ERC2: variants seen among roughly 807,000 people sequenced by gnomAD.
The protein encoded by ERC2 is ELKS/RAB6-interacting/CAST family member 2.
Under a neutral mutation model 114.8 loss-of-function variants are expected in ERC2, and 42 were observed. The ratio of observed to expected loss-of-function variants is 0.37; its 90% CI spans 0.29 to 0.47. The LOEUF (loss-of-function observed/expected upper bound fraction) is 0.47. Ranked by LOEUF, ERC2 falls within the 20% of genes least tolerant of loss-of-function variation. ERC2 has a pLI of 0.99. For missense variants in ERC2, 939 were observed against 1,150.7 expected, an observed-to-expected ratio of 0.82 and a Z score of 2.66; for synonymous variants, 454 against 425.5, an observed-to-expected ratio of 1.07 and a Z score of -0.82.
At chr3:56,403,414 C>A (rs1344182811) in intron 2 of ERC2, among the ~76,000 whole-genome samples, 1 of 152,164 alleles carries the variant, frequency 6.6e-6, no homozygotes, top group Non-Finnish European at 1.5e-5. Flanking sequence ...ACACTAGACA[C>A]CTTTCCAGTG....
At chr3:56,001,829 G>C (rs181764686) in intron 10 of ERC2, among the ~76,000 whole-genome samples, 129 of 152,190 alleles carry the variant, frequency 8.5e-4, no homozygotes, top group African/African-American at 3.0e-3. Context: ...TAACTAGTAA[G>C]TATGAAACAA....
chr3:56,126,454 A>T (rs1451875475), intron 6 of ERC2, among the ~76,000 whole-genome samples: 1 of 152,228 alleles, frequency 6.6e-6, no homozygotes, highest in African/African-American at 2.4e-5. Flanking sequence ...AATGGACTCC[A>T]ACTAGTTTGA....
chr3:55,832,832 C>A (rs1311481952), intron 14 of ERC2, among the ~76,000 whole-genome samples: 2 of 152,082 alleles, frequency 1.3e-5, no homozygotes, highest in East Asian at 3.9e-4. Context: ...GAAATTCAAA[C>A]CAAAGGCAAA....
chr3:55,536,478 C>G (rs1203868717), intron 17 of ERC2, among the ~76,000 whole-genome samples: 1 of 152,174 alleles, frequency 6.6e-6, no homozygotes, highest in African/African-American at 2.4e-5. Context: ...GTGCCTGATA[C>G]AGAGTATGTG....
At chr3:55,592,237 C>T (rs1016630896) in intron 17 of ERC2, among the ~76,000 whole-genome samples, 5 of 152,212 alleles carry the variant, frequency 3.3e-5, no homozygotes, top group Admixed American at 2.0e-4. Context: ...GGGCATATCC[C>T]CGTATCTGGG....
At chr3:56,389,970 G>A (rs1231568359) in intron 2 of ERC2, among the ~76,000 whole-genome samples, 2 of 152,096 alleles carry the variant, frequency 1.3e-5, no homozygotes, top group Non-Finnish European at 2.9e-5. Context: ...CTGTGAAAGG[G>A]AGCCTTAAAT....
chr3:55,761,745 G>A (rs535304969), intron 14 of ERC2, among the ~76,000 whole-genome samples: 1 of 151,916 alleles, frequency 6.6e-6, no homozygotes, highest in Non-Finnish European at 1.5e-5. Context: ...GTTTTGTGGC[G>A]GGCGCCTGTA....
At chr3:56,196,781 T>C (rs1407107996) in intron 3 of ERC2, among the ~76,000 whole-genome samples, 1 of 152,136 alleles carries the variant, frequency 6.6e-6, no homozygotes, top group African/African-American at 2.4e-5. Context: ...TTCAAGATAG[T>C]AAATCATGAG....
intron 17 of ERC2, among the ~76,000 whole-genome samples, chr3:55,640,464 G>C (rs1321916421): frequency 6.6e-6 from 1 of 152,172 alleles, no homozygotes; most frequent in African/African-American, 2.4e-5. Context: ...TAGGACTCCT[G>C]CTTCAGGCAA....
Position 56,256,832 on chromosome 3 carries a change from T to G in ERC2, c.1074+39187A>C, listed in dbSNP as rs573132455. Reference sequence around the variant, plus strand: ...CTTTTCTCTCTCTCCTGCCGCCTTGTGAATAAGGTGCCTGCTTCCCCTTCT... The same window carrying G: ...CTTTTCTCTCTCTCCTGCCGCCTTGGGAATAAGGTGCCTGCTTCCCCTTCT... On this transcript the variant is annotated intron_variant, in intron 3 of 17. Coordinates refer to ENST00000288221, the MANE Select transcript of ERC2 (RefSeq NM_015576.3). Among the ~76,000 whole-genome samples the G allele has an allele frequency of 2.6e-5, 4 of 152,316 alleles. No homozygotes were observed. The South Asian group carries it at 8.3e-4, about 32-fold the overall frequency.
intron 14 of ERC2, among the ~76,000 whole-genome samples, chr3:55,821,357 G>A (rs2060115603): frequency 6.6e-6 from 1 of 152,152 alleles, no homozygotes; most frequent in African/African-American, 2.4e-5. Flanking sequence ...TTGAGTTCTG[G>A]GAAACCCATC....
chr3:55,902,860 A>G (rs2064213830), intron 13 of ERC2, among the ~76,000 whole-genome samples: 1 of 152,196 alleles, frequency 6.6e-6, no homozygotes, highest in South Asian at 2.1e-4. Flanking sequence ...ATCCCAAGGG[A>G]GCCTGGCGGA....
intron 12 of ERC2, among the ~76,000 whole-genome samples, chr3:55,978,890 T>C (rs912478575): frequency 1.3e-5 from 2 of 152,198 alleles, no homozygotes. Flanking sequence ...ACAACACAAG[T>C]GAAATCCTAG....
At chr3:56,402,989 C>G (rs2060577629) in intron 2 of ERC2, among the ~76,000 whole-genome samples, 1 of 152,104 alleles carries the variant, frequency 6.6e-6, no homozygotes, top group African/African-American at 2.4e-5. Context: ...CAGTGGCGCT[C>G]CTCCCAACTG....
In ERC2 at chr3:55,605,832, T is replaced by C. The variant is rs1056453933; in HGVS notation, c.*39+77962A>G. ...TCTGTTTGGTTCAAAGTGTACAACATTGATGAACATATCTACTGTAAAAGC... is the reference window on the plus strand; with the variant it reads ...TCTGTTTGGTTCAAAGTGTACAACACTGATGAACATATCTACTGTAAAAGC... On this transcript the variant is annotated intron_variant, in intron 17 of 17. Coordinates refer to ENST00000288221, the MANE Select transcript of ERC2 (RefSeq NM_015576.3). Among the ~76,000 whole-genome samples the C allele has an allele frequency of 8.5e-5, 13 of 152,320 alleles. 1 individual carries two copies. The highest frequency in any genetic ancestry group is 2.6e-4 in the African/African-American group (11 of 41,566).
chr3:56,413,418 G>T (rs17056781), intron 2 of ERC2, among the ~76,000 whole-genome samples: 3 of 152,256 alleles, frequency 2.0e-5, no homozygotes, highest in African/African-American at 7.2e-5. Flanking sequence ...TGGGGTCAGC[G>T]CACAGCAGGT....
chr3:56,381,322 T>C (rs1424829830), intron 2 of ERC2, among the ~76,000 whole-genome samples: 1 of 152,198 alleles, frequency 6.6e-6, no homozygotes, highest in African/African-American at 2.4e-5. Flanking sequence ...ACTTAGGGGA[T>C]TGGTTCCAAG....
intron 12 of ERC2, among the ~76,000 whole-genome samples, chr3:55,962,849 G>C (rs1381377741): frequency 6.6e-6 from 1 of 152,130 alleles, no homozygotes; most frequent in Non-Finnish European, 1.5e-5. Context: ...TCCCACCACT[G>C]TCCCACTTTC....
chr3:56,036,295 A>G (rs546621543), intron 7 of ERC2, among the ~76,000 whole-genome samples: 61 of 152,314 alleles, frequency 4.0e-4, no homozygotes, highest in African/African-American at 1.3e-3. Context: ...AAGATCAGGG[A>G]CACGACAAGG....
Sources: allele counts gnomAD v4.1 joint callset (sites outside exome capture counted in the v4.1 genomes callset), GRCh38; gene constraint gnomAD v4.1.1; transcripts MANE v1.5; gene names NCBI Gene and HGNC (gene_info 2026-07-23, HGNC 2026-07-21).